The following EXOC4 variants were observed in gnomAD, a reference collection of about 807,000 sequenced individuals.
EXOC4 encodes exocyst complex component 4, also known as SEC8-like 1.
In EXOC4, 71 loss-of-function variants were observed where a neutral mutation model predicts 107.2. That is an observed-to-expected ratio of 0.66 (90% CI 0.55 to 0.81). The LOEUF is 0.81. Ranked by LOEUF, EXOC4 falls within the 30% of genes least tolerant of loss-of-function variation. EXOC4 has a pLI of 0.00. For missense variants in EXOC4, 1,108 were observed against 1,189.6 expected (o/e 0.93, Z 1.01); for synonymous variants, 456 against 441.2 (o/e 1.03, Z -0.42).
At chr7:133,786,681 T>C (rs902278795) in intron 10 of EXOC4, among the ~76,000 whole-genome samples, 3 of 152,224 alleles carry the variant, frequency 2.0e-5, no homozygotes, top group African/African-American at 4.8e-5. Context: ...TGTGTCACTT[T>C]ACATTTTACT....
chr7:133,752,971 A>T (rs1296325708), intron 10 of EXOC4, among the ~76,000 whole-genome samples: 1 of 152,148 alleles, frequency 6.6e-6, no homozygotes, highest in African/African-American at 2.4e-5. Context: ...TGCTAATGCC[A>T]TCCTGCTTAG....
At chr7:133,815,122 A>C (rs1301555834) in intron 10 of EXOC4, among the ~76,000 whole-genome samples, 4 of 152,076 alleles carry the variant, frequency 2.6e-5, no homozygotes, top group African/African-American at 9.7e-5. Flanking sequence ...TTTTATCAAA[A>C]CGTTAAAAAC....
intron 7 of EXOC4, among the ~76,000 whole-genome samples, chr7:133,397,168 G>C (rs1260193126): frequency 2.7e-5 from 4 of 147,654 alleles, no homozygotes; most frequent in Non-Finnish European, 4.5e-5. Flanking sequence ...CGCTCTTGTT[G>C]CCCAGGCTGG....
intron 17 of EXOC4, among the ~76,000 whole-genome samples, chr7:134,053,569 T>C (rs1230765825): frequency 6.7e-6 from 1 of 149,434 alleles, no homozygotes; most frequent in Non-Finnish European, 1.5e-5. Flanking sequence ...TTTATATATA[T>C]ATATTTAAAT....
intron 9 of EXOC4, among the ~76,000 whole-genome samples, chr7:133,517,214 G>T (rs1799893834): frequency 6.6e-6 from 1 of 152,050 alleles, no homozygotes; most frequent in African/African-American, 2.4e-5. Context: ...TGTAGGGTTG[G>T]GAAGGAGGAT....
chr7:133,940,088 A>G (rs559247262), intron 14 of EXOC4, among the ~76,000 whole-genome samples: 4 of 152,278 alleles, frequency 2.6e-5, no homozygotes, highest in Admixed American at 6.5e-5. Flanking sequence ...TGTCATTAGC[A>G]TCTAATATTT....
chr7:133,519,581 A>G (rs1799943759), intron 9 of EXOC4, among the ~76,000 whole-genome samples: 1 of 152,206 alleles, frequency 6.6e-6, no homozygotes, highest in South Asian at 2.1e-4. Context: ...CTTTCAAACC[A>G]TGAGATACAG....
chr7:133,708,979 T>A (rs1255074617), intron 10 of EXOC4, among the ~76,000 whole-genome samples: 1 of 152,218 alleles, frequency 6.6e-6, no homozygotes, highest in African/African-American at 2.4e-5. Flanking sequence ...TTGCTCATCA[T>A]TCAGTTGCAT....
chr7:133,771,185 T>C (rs1375293680), intron 10 of EXOC4: 5 of 151,982 alleles, frequency 3.3e-5, no homozygotes, highest in African/African-American at 9.7e-5. Flanking sequence ...GAAAGGCAAG[T>C]TGGCACCAGA....
At chr7:133,431,330 C>T (rs1389311960) in intron 7 of EXOC4, among the ~76,000 whole-genome samples, 1 of 151,902 alleles carries the variant, frequency 6.6e-6, no homozygotes, top group South Asian at 2.1e-4. Flanking sequence ...GCATTCATAA[C>T]AAGAAAAAAA....
chr7:133,664,271 G>T (rs1375701315), intron 10 of EXOC4, among the ~76,000 whole-genome samples: 1 of 152,036 alleles, frequency 6.6e-6, no homozygotes, highest in Non-Finnish European at 1.5e-5. Context: ...AGTTCCAAAT[G>T]GGCAGGGATT....
rs1796864354 is a variant in EXOC4, at chr7:133,392,029, A to G, written c.1182+17027A>G. On this transcript the variant is annotated intron_variant, in intron 7 of 17. Transcript: ENST00000253861. Reference sequence around the variant, plus strand: ...TAGGCAAGCACAACAGAAAGAAATAATTTAAGAAATACATAGTATAAACTG... The same window carrying G: ...TAGGCAAGCACAACAGAAAGAAATAGTTTAAGAAATACATAGTATAAACTG... Among the ~76,000 whole-genome samples the G allele has an allele frequency of 2.6e-5, 4 of 152,358 alleles. No individual in the cohort carries two copies. The South Asian group carries it at 8.3e-4, about 32-fold the overall frequency.
chr7:133,949,717 C>G (rs563365735), intron 14 of EXOC4, among the ~76,000 whole-genome samples: 27 of 152,252 alleles, frequency 1.8e-4, no homozygotes, highest in Admixed American at 1.1e-3. Context: ...TTTATCATGC[C>G]GGACAGTCTC....
intron 9 of EXOC4, among the ~76,000 whole-genome samples, chr7:133,519,751 T>C (rs953466344): frequency 1.3e-5 from 2 of 152,172 alleles, no homozygotes; most frequent in African/African-American, 4.8e-5. Flanking sequence ...AGTCAAGTTG[T>C]CCAGCCAGTA....
At chr7:134,013,905 G>T (rs1794831868) in intron 17 of EXOC4, among the ~76,000 whole-genome samples, 1 of 152,130 alleles carries the variant, frequency 6.6e-6, no homozygotes, top group Admixed American at 6.5e-5. Flanking sequence ...TGTTGGCAAG[G>T]TTATGGAGAA....
chr7:133,746,742 CAG>C (rs1795685366), intron 10 of EXOC4, among the ~76,000 whole-genome samples: 1 of 152,158 alleles, frequency 6.6e-6, no homozygotes, highest in African/African-American at 2.4e-5. Context: ...AAAATTCAAA[CAG>C]AATGCAGAAA....
intron 9 of EXOC4, among the ~76,000 whole-genome samples, chr7:133,568,428 A>G (rs1350077060): frequency 1.3e-5 from 2 of 152,120 alleles, no homozygotes; most frequent in African/African-American, 2.4e-5. Flanking sequence ...AAAGACTTCC[A>G]CCAGCTGAGG....
At chr7:133,389,662 C>T (rs1230925575) in intron 7 of EXOC4, among the ~76,000 whole-genome samples, 1 of 149,714 alleles carries the variant, frequency 6.7e-6, no homozygotes, top group Non-Finnish European at 1.5e-5. Context: ...GAAGATGGTG[C>T]TTTGTGCATG....
chr7:133,894,860 C>A (rs1799264494), intron 11 of EXOC4, among the ~76,000 whole-genome samples: 1 of 85,316 alleles, frequency 1.2e-5, no homozygotes, highest in Admixed American at 8.8e-5. Flanking sequence ...TTTAAGTCTG[C>A]AGAGTTTACT....
Sources: allele counts gnomAD v4.1 joint callset (sites outside exome capture counted in the v4.1 genomes callset), GRCh38; gene constraint gnomAD v4.1.1; transcripts MANE v1.5; gene names NCBI Gene and HGNC (gene_info 2026-07-23, HGNC 2026-07-21).